The following RALGAPA1 variants were observed in gnomAD, a reference collection of about 807,000 sequenced individuals.
RALGAPA1 encodes Ral GTPase activating protein catalytic subunit alpha 1.
Under a neutral mutation model 269.6 loss-of-function variants are expected in RALGAPA1, and 52 were observed. That is an observed-to-expected ratio of 0.19 (90% CI 0.15 to 0.24). RALGAPA1 has a LOEUF of 0.24. Ranked by LOEUF, RALGAPA1 falls within the 10% of genes least tolerant of loss-of-function variation. The probability of loss-of-function intolerance (pLI) is 1.00; values close to 1 mark genes in which losing one functional copy is unlikely to be tolerated. For missense variants in RALGAPA1, 1,917 were observed against 3,013.9 expected (o/e 0.64, Z 8.52); for synonymous variants, 817 against 1,008.3 (o/e 0.81, Z 3.60).
At chr14:35,639,808 G>A (rs968563154) in intron 31 of RALGAPA1, among the ~76,000 whole-genome samples, 6 of 151,764 alleles carry the variant, frequency 4.0e-5, no homozygotes, top group East Asian at 1.9e-4. Context: ...GCGTGGTGGC[G>A]GGCACCTGTA....
chr14:35,593,825 G>A (rs901674193), intron 37 of RALGAPA1, among the ~76,000 whole-genome samples: 1 of 152,004 alleles, frequency 6.6e-6, no homozygotes, highest in Admixed American at 6.6e-5. Context: ...CTGCATTCCA[G>A]CCTGGGTGAA....
chr14:35,679,266 G>A (rs2065210358), intron 21 of RALGAPA1, among the ~76,000 whole-genome samples: 1 of 152,100 alleles, frequency 6.6e-6, no homozygotes, highest in Non-Finnish European at 1.5e-5. Context: ...CTCAGTACCT[G>A]TAAACCTCTG....
chr14:35,744,210 A>G (rs1435878504), intron 10 of RALGAPA1, among the ~76,000 whole-genome samples: 1 of 152,084 alleles, frequency 6.6e-6, no homozygotes, highest in Non-Finnish European at 1.5e-5. Context: ...CGTCTCTACT[A>G]AAAATACAAA....
chr14:35,555,098 T>C (rs545387603), intron 39 of RALGAPA1, among the ~76,000 whole-genome samples: 1 of 152,254 alleles, frequency 6.6e-6, no homozygotes, highest in South Asian at 2.1e-4. Context: ...CCATGCCCCT[T>C]GATCTTGCTG....
chr14:35,684,080 C>T (rs1298001279), intron 20 of RALGAPA1, 95 bp from the exon 21 acceptor site: 8 of 864,376 alleles, frequency 9.3e-6, no homozygotes, highest in African/African-American at 3.4e-5. Flanking sequence ...CATAAACATT[C>T]CCCGTACATC....
At chr14:35,545,964 C>T (rs1241863066) in intron 41 of RALGAPA1, among the ~76,000 whole-genome samples, 1 of 152,050 alleles carries the variant, frequency 6.6e-6, no homozygotes, top group African/African-American at 2.4e-5. Flanking sequence ...TTTCCACACA[C>T]ATGCCTGACA....
At chr14:35,749,732 GATAA>G (rs1567151174) in intron 9 of RALGAPA1, among the ~76,000 whole-genome samples, 1 of 152,046 alleles carries the variant, frequency 6.6e-6, no homozygotes, top group Non-Finnish European at 1.5e-5. Context: ...GTTTGCTAAA[GATAA>G]ATAAACTAAG....
At chr14:35,711,945 GATTA>G (rs1202865580) in intron 16 of RALGAPA1, among the ~76,000 whole-genome samples, 1 of 151,962 alleles carries the variant, frequency 6.6e-6, no homozygotes, top group Non-Finnish European at 1.5e-5. Flanking sequence ...TTAGCTGTTA[GATTA>G]ATTAAGAATA....
In RALGAPA1 at chr14:35,647,380, T is replaced by C. The variant is rs2062504735; in HGVS notation, c.5676+4425A>G. Among the ~76,000 whole-genome samples the C allele has an allele frequency of 2.0e-5, 3 of 152,130 alleles. No homozygotes were observed. The South Asian group carries it at 6.2e-4, about 32-fold the overall frequency. On this transcript the variant is annotated intron_variant, in intron 31 of 41. Coordinates refer to ENST00000680220, the MANE Select transcript of RALGAPA1 (RefSeq NM_001346249.2). ...TACAGTTTATTCAAGTTCTTAAACATTTGAGGTTAAGGAGCAGCAATCTGA... is the reference window on the plus strand; with the variant it reads ...TACAGTTTATTCAAGTTCTTAAACACTTGAGGTTAAGGAGCAGCAATCTGA...
intron 39 of RALGAPA1, among the ~76,000 whole-genome samples, chr14:35,565,082 T>C (rs185298127): frequency 2.0e-5 from 3 of 152,234 alleles, no homozygotes; most frequent in Admixed American, 2.0e-4. Flanking sequence ...GTGTAAGTGA[T>C]CAATAAATAT....
At position 35,795,624 on chromosome 14, in the gene RALGAPA1, C is replaced by T. The variant is rs573491359; in HGVS notation, c.106+13106G>A. On this transcript the variant is annotated intron_variant, in intron 1 of 41. Transcript: ENST00000680220. ...CACCCAACAAATCATAAAAGCAAGACCCAAAATAATAAAACTGTTTTCAAA... is the reference window on the plus strand; with the variant it reads ...CACCCAACAAATCATAAAAGCAAGATCCAAAATAATAAAACTGTTTTCAAA... Among the ~76,000 whole-genome samples the T allele has an allele frequency of 3.3e-5, 5 of 152,108 alleles. No individual in the cohort carries two copies. The South Asian group carries it at 1.0e-3, about 32-fold the overall frequency.
intron 1 of RALGAPA1, among the ~76,000 whole-genome samples, chr14:35,787,870 C>G (rs115221216): frequency 0.04 from 6,149 of 152,212 alleles, 355 homozygotes; most frequent in African/African-American, 0.12. Context: ...TTGTAAGCCA[C>G]TGCACCCAGA....
At chr14:35,742,277 T>G in intron 11 of RALGAPA1, 91 bp downstream of exon 11, 1 of 939,322 alleles carries the variant, frequency 1.1e-6, no homozygotes, top group South Asian at 1.6e-5. Context: ...TCCCATTTAA[T>G]AAGTATATTT....
intron 16 of RALGAPA1, among the ~76,000 whole-genome samples, 168 bp downstream of exon 16, chr14:35,721,520 G>A (rs1405685810): frequency 1.3e-5 from 2 of 152,144 alleles, no homozygotes; most frequent in Non-Finnish European, 2.9e-5. Flanking sequence ...AGGGATAACA[G>A]CCTATCACTA....
chr14:35,650,465 T>C (rs76252720), intron 31 of RALGAPA1, among the ~76,000 whole-genome samples: 1,660 of 152,162 alleles, frequency 0.011, 12 homozygotes, highest in Middle Eastern at 0.041. Context: ...ATGATGATGA[T>C]AAAGTATTTA....
intron 31 of RALGAPA1, among the ~76,000 whole-genome samples, chr14:35,638,345 T>C (rs1320495380): frequency 6.6e-6 from 1 of 151,984 alleles, no homozygotes; most frequent in African/African-American, 2.4e-5. Flanking sequence ...ATATGTAGAG[T>C]TGTTATTAAT....
chr14:35,745,763 C>CAAA (rs1157650791), intron 10 of RALGAPA1, among the ~76,000 whole-genome samples: 1,037 of 33,096 alleles, frequency 0.031, 85 homozygotes, highest in African/African-American at 0.11. Context: ...GACTCCATCT[C>CAAA]AAAAAAAAAA....
chr14:35,702,284 T>A (rs1220002417), intron 16 of RALGAPA1, among the ~76,000 whole-genome samples: 1 of 152,196 alleles, frequency 6.6e-6, no homozygotes, highest in South Asian at 2.1e-4. Context: ...ACTAAATGCA[T>A]TTCATAGTTT....
At chr14:35,591,174 A>G (rs1180611021) in intron 37 of RALGAPA1, among the ~76,000 whole-genome samples, 1 of 152,198 alleles carries the variant, frequency 6.6e-6, no homozygotes, top group Non-Finnish European at 1.5e-5. Context: ...ATATCATTCT[A>G]TGATACCCCT....
Sources: allele counts gnomAD v4.1 joint callset (sites outside exome capture counted in the v4.1 genomes callset), GRCh38; gene constraint gnomAD v4.1.1; transcripts MANE v1.5; gene names NCBI Gene and HGNC (gene_info 2026-07-23, HGNC 2026-07-21).